The following FTO variants were observed in gnomAD, a reference collection of about 807,000 sequenced individuals.
FTO encodes FTO alpha-ketoglutarate dependent dioxygenase.
Under a neutral mutation model 63.9 loss-of-function variants are expected in FTO, and 47 were observed. The ratio of observed to expected loss-of-function variants is 0.74; its 90% CI spans 0.58 to 0.94. FTO has a LOEUF of 0.94. FTO is among the 40% of genes least tolerant of loss of function. The pLI is 0.00. For synonymous variants in FTO, 207 were observed against 224.4 expected, an observed-to-expected ratio of 0.92 and a Z score of 0.69; for missense variants, 562 against 618.1, an observed-to-expected ratio of 0.91 and a Z score of 0.96.
At chr16:53,754,358 C>G (rs1385985984) in intron 1 of FTO, among the ~76,000 whole-genome samples, 5 of 152,226 alleles carry the variant, frequency 3.3e-5, no homozygotes, top group Non-Finnish European at 5.9e-5. Context: ...AAGCTCCAGG[C>G]TGGGCGCGGT....
intron 8 of FTO, among the ~76,000 whole-genome samples, chr16:53,949,976 A>G (rs1329826605): frequency 6.6e-6 from 1 of 151,912 alleles, no homozygotes; most frequent in Non-Finnish European, 1.5e-5. Flanking sequence ...ACGTTTATTT[A>G]CTGATGCATG....
chr16:53,929,520 G>A (rs1290823559), intron 7 of FTO, among the ~76,000 whole-genome samples: 1 of 152,160 alleles, frequency 6.6e-6, no homozygotes, highest in Non-Finnish European at 1.5e-5. Flanking sequence ...ACATGTTTTT[G>A]TTTGAACATA....
At chr16:54,041,243 G>A (rs1402355379) in intron 8 of FTO, among the ~76,000 whole-genome samples, 4 of 152,112 alleles carry the variant, frequency 2.6e-5, no homozygotes, top group Non-Finnish European at 5.9e-5. Flanking sequence ...GGTGGAAGGC[G>A]AAGGGAAAGC....
At chr16:53,900,944 A>G (rs2081389859) in intron 7 of FTO, among the ~76,000 whole-genome samples, 1 of 152,100 alleles carries the variant, frequency 6.6e-6, no homozygotes, top group South Asian at 2.1e-4. Context: ...TTTTTTCTCT[A>G]ATGCATTTCT....
chr16:53,972,528 A>C (rs986701210), intron 8 of FTO, among the ~76,000 whole-genome samples: 5 of 152,188 alleles, frequency 3.3e-5, no homozygotes, highest in Non-Finnish European at 7.4e-5. Context: ...ATTGGTAATA[A>C]TATGTAGTTA....
At chr16:53,955,827 A>C (rs7185479) in intron 8 of FTO, among the ~76,000 whole-genome samples, 24,044 of 152,096 alleles carry the variant, frequency 0.16, 2,110 homozygotes, top group Admixed American at 0.21. Context: ...TATGGAGAGA[A>C]AGAGGGCATC....
chr16:53,731,609 C>A (rs879091377), intron 1 of FTO, among the ~76,000 whole-genome samples: 1 of 152,070 alleles, frequency 6.6e-6, no homozygotes, highest in Non-Finnish European at 1.5e-5. Context: ...ACTCTGTAGC[C>A]CAGGCTGGAG....
At chr16:53,790,635 A>G (rs2077890186) in intron 1 of FTO, among the ~76,000 whole-genome samples, 1 of 151,994 alleles carries the variant, frequency 6.6e-6, no homozygotes, top group East Asian at 1.9e-4. Context: ...GGAAAGAAAA[A>G]TATTGACTTT....
intron 8 of FTO, among the ~76,000 whole-genome samples, chr16:54,084,786 G>A (rs979824029): frequency 6.6e-6 from 1 of 152,182 alleles, no homozygotes; most frequent in Non-Finnish European, 1.5e-5. Flanking sequence ...GGCCGGGCGG[G>A]GAGGGCTGCT....
In FTO at chr16:53,704,225, C is replaced by G. The variant is rs1768475718; in HGVS notation, c.41C>G (p.Ala14Gly). Residue 14 changes from alanine (A) to glycine (G), a missense_variant, in exon 1 of 9, where the codon GCT becomes GGT. Ala to Gly is a moderately conservative substitution (Grantham distance 60, BLOSUM62 0). Transcript: ENST00000471389. Reference protein sequence around the residue: ...TPTAEEREREAKKLRLLEELE... With the variant: ...TPTAEEREREGKKLRLLEELE... ...ACTGCCGAGGAACGAGAGCGCGAAG[C>G]TAAGGTATGTCGGGCTCCCGGGGCC... 1 of 1,551,484 alleles carries G rather than the reference C, an allele frequency of 6.4e-7. No individual in the cohort carries two copies. The highest frequency in any genetic ancestry group is 8.7e-7 in the Non-Finnish European group (1 of 1,146,808).
intron 8 of FTO, among the ~76,000 whole-genome samples, chr16:53,980,340 G>A (rs769194920): frequency 2.6e-5 from 4 of 152,148 alleles, no homozygotes; most frequent in Non-Finnish European, 4.4e-5. Flanking sequence ...CTGGAAACCA[G>A]AATGGCTGGA....
intron 7 of FTO, among the ~76,000 whole-genome samples, chr16:53,914,141 G>A (rs2081796087): frequency 6.6e-6 from 1 of 152,172 alleles, no homozygotes; most frequent in African/African-American, 2.4e-5. Context: ...CTGACTCGAA[G>A]AAGATCAAAA....
chr16:54,074,092 G>A (rs549599225), intron 8 of FTO, among the ~76,000 whole-genome samples: 3 of 150,418 alleles, frequency 2.0e-5, no homozygotes, highest in Non-Finnish European at 4.4e-5. Context: ...CTCGAAAACT[G>A]TTTTTTTTAA....
At chr16:53,872,236 T>TTCTGGTGC (rs113036676) in intron 4 of FTO, among the ~76,000 whole-genome samples, 7 of 152,358 alleles carry the variant, frequency 4.6e-5, no homozygotes, top group African/African-American at 1.7e-4. Context: ...ACCTGCTGCA[T>TTCTGGTGC]TCTGGTGCTT....
intron 8 of FTO, among the ~76,000 whole-genome samples, chr16:54,077,194 T>C (rs910911348): frequency 2.0e-5 from 3 of 152,160 alleles, no homozygotes; most frequent in Non-Finnish European, 2.9e-5. Context: ...CTTTATTAGA[T>C]TGTAGTGGAG....
chr16:53,831,293 G>A (rs1426203069), intron 3 of FTO, among the ~76,000 whole-genome samples: 1 of 151,900 alleles, frequency 6.6e-6, no homozygotes, highest in East Asian at 1.9e-4. Context: ...TTTTTTTATT[G>A]TATCATGCTA....
chr16:53,886,797 G>A (rs554854457), intron 6 of FTO: 1 of 152,294 alleles, frequency 6.6e-6, no homozygotes, highest in South Asian at 2.1e-4. Context: ...TTTGCCTCAT[G>A]AAAGTTCAAT....
chr16:54,034,957 A>G (rs1446411639), intron 8 of FTO, among the ~76,000 whole-genome samples: 1 of 152,242 alleles, frequency 6.6e-6, no homozygotes, highest in African/African-American at 2.4e-5. Flanking sequence ...CTAATGATGT[A>G]TGGTCACTAC....
intron 1 of FTO, among the ~76,000 whole-genome samples, chr16:53,744,110 A>C (rs2076592192): frequency 6.6e-6 from 1 of 152,198 alleles, no homozygotes. Context: ...GCAGAATTAC[A>C]AATTGTATAC....
Sources: allele counts gnomAD v4.1 joint callset (sites outside exome capture counted in the v4.1 genomes callset), GRCh38; gene constraint gnomAD v4.1.1; transcripts MANE v1.5; gene names NCBI Gene and HGNC (gene_info 2026-07-23, HGNC 2026-07-21).